Variants in CPEB3 observed in about 807,000 individuals in gnomAD.
CPEB3 encodes cytoplasmic polyadenylation element binding protein 3, also known as cytoplasmic polyadenylation element-binding protein 3.
A neutral mutation model predicts 67.2 loss-of-function variants in CPEB3; 20 were observed. The observed-to-expected ratio is 0.30, with a 90% CI of 0.21 to 0.43. CPEB3 has a LOEUF of 0.43. CPEB3 is among the 20% of genes least tolerant of loss of function. The probability of loss-of-function intolerance (pLI) is 1.00; values close to 1 mark genes in which losing one functional copy is unlikely to be tolerated. For synonymous variants in CPEB3, 376 were observed against 393.1 expected, an observed-to-expected ratio of 0.96 and a Z score of 0.51; for missense variants, 746 against 968.6, an observed-to-expected ratio of 0.77 and a Z score of 3.05.
intron 4 of CPEB3, among the ~76,000 whole-genome samples, chr10:92,171,659 G>A (rs1194646010): frequency 6.6e-6 from 1 of 152,174 alleles, no homozygotes; most frequent in African/African-American, 2.4e-5. Context: ...CTGTTGCCCA[G>A]GCTGGACTGC....
intron 1 of CPEB3, among the ~76,000 whole-genome samples, chr10:92,241,713 C>T (rs1460031113): frequency 6.6e-6 from 1 of 152,084 alleles, no homozygotes; most frequent in Non-Finnish European, 1.5e-5. Flanking sequence ...TCACTCAAAA[C>T]CCGGAGACTG....
chr10:92,273,749 CCT>C (rs2135011376), intron 1 of CPEB3, among the ~76,000 whole-genome samples: 1 of 152,192 alleles, frequency 6.6e-6, no homozygotes, highest in African/African-American at 2.4e-5. Flanking sequence ...TAAGGAAAGG[CCT>C]CTGTTTCCTC....
chr10:92,216,655 C>G (rs1178372889), intron 2 of CPEB3: 12 of 1,606,658 alleles, frequency 7.5e-6, no homozygotes, highest in Non-Finnish European at 1.0e-5. Flanking sequence ...ATGTCTATAT[C>G]CCCTCTAAGA....
At position 92,119,132 on chromosome 10, in the gene CPEB3, G is replaced by C. The variant is rs551356269; in HGVS notation, c.1454-7938C>G. 16 of 1,586,482 alleles carry C rather than the reference G, an allele frequency of 1.0e-5. No homozygotes were observed. In the African/African-American group the frequency reaches 2.0e-4, roughly 20 times the overall value. Reference sequence around the variant, plus strand: ...TGGAGTGGCTGTCCTGGTTCTTACTGTGTTGTCCTCTGTAGGGCCGGCAGC... The same window carrying C: ...TGGAGTGGCTGTCCTGGTTCTTACTCTGTTGTCCTCTGTAGGGCCGGCAGC... On this transcript the variant is annotated intron_variant, in intron 6 of 9. Coordinates refer to ENST00000265997, the MANE Select transcript of CPEB3 (RefSeq NM_014912.5).
In CPEB3 at chr10:92,223,959, G is replaced by A. The variant is rs7908233; in HGVS notation, c.1005+15387C>T. Among the ~76,000 whole-genome samples the A allele has an allele frequency of 5.0e-3, 763 of 152,152 alleles. 10 individuals are homozygous for A. The highest frequency in any genetic ancestry group is 0.044 in the East Asian group (226 of 5,162). Reference sequence around the variant, plus strand: ...AGACGGGGTTTCACCATGTTGGCTAGGTTGGTCTCTTTGGCCAGGTTGGTC... The same window carrying A: ...AGACGGGGTTTCACCATGTTGGCTAAGTTGGTCTCTTTGGCCAGGTTGGTC... On this transcript the variant is annotated intron_variant, in intron 2 of 9. Transcript: ENST00000265997.
chr10:92,080,621 C>G (rs766765976), intron 9 of CPEB3, among the ~76,000 whole-genome samples: 6 of 151,552 alleles, frequency 4.0e-5, no homozygotes, highest in Non-Finnish European at 5.9e-5. Context: ...TTAGACGGAG[C>G]CTCGCTCTGT....
intron 3 of CPEB3, among the ~76,000 whole-genome samples, chr10:92,185,360 T>C (rs904672073): frequency 1.2e-4 from 18 of 152,242 alleles, no homozygotes; most frequent in African/African-American, 3.6e-4. Flanking sequence ...ATCTGATAAA[T>C]AGGGGTGAGA....
Position 92,184,423 on chromosome 10 carries a change from T to C in CPEB3, c.1166-3404A>G, listed in dbSNP as rs968677296. ...ATAAAGACCATCCTGGCCAACGTGG[T>C]GAAACCCCATCTCTACTAAAAATAC... is the stretch of plus-strand genomic sequence containing the variant. On this transcript the variant is annotated intron_variant, in intron 3 of 9. Transcript: ENST00000265997. Among the ~76,000 whole-genome samples, 4 of 152,074 alleles carry C rather than the reference T, an allele frequency of 2.6e-5. No individual in the cohort carries two copies. In the East Asian group the frequency reaches 7.7e-4, roughly 29 times the overall value.
At position 92,050,499 on chromosome 10, in the gene CPEB3, A is replaced by G. The variant is rs1055762259; in HGVS notation, c.*1713T>C. On this transcript the variant is annotated 3_prime_UTR_variant, in exon 10 of 10. Coordinates refer to ENST00000265997, the MANE Select transcript of CPEB3 (RefSeq NM_014912.5). The stretch of plus-strand genomic sequence containing the variant: ...GGAAGAAGATTAAAAAAAGATTTAC[A>G]TAGTCTTGCAATCATTGTGTGTGTT... The G allele has an allele frequency of 1.3e-5, 2 of 152,768 alleles. No individual in the cohort carries two copies. Among genetic ancestry groups the G allele is most frequent in the East Asian group, 3.9e-4 (2 of 5,190 alleles). The allele number at this position is 152,768 out of a possible 1,614,324, so 9.5% of individuals were successfully genotyped here. A position where few individuals can be genotyped will look rare whatever the true frequency, so the allele number is the denominator to read the frequency against.
chr10:92,283,324 G>A (rs1293791704), intron 1 of CPEB3, among the ~76,000 whole-genome samples: 1 of 152,042 alleles, frequency 6.6e-6, no homozygotes. Context: ...ATTATTAAGA[G>A]CCCTTAACCA....
chr10:92,176,809 T>C (rs1043417214), intron 4 of CPEB3, among the ~76,000 whole-genome samples: 13 of 152,256 alleles, frequency 8.5e-5, no homozygotes, highest in Non-Finnish European at 2.9e-5. Context: ...GCATCAATCC[T>C]ACACAAGACC....
At chr10:92,090,872 T>A (rs1472049878) in intron 8 of CPEB3, among the ~76,000 whole-genome samples, 1 of 148,194 alleles carries the variant, frequency 6.7e-6, no homozygotes, top group Non-Finnish European at 1.5e-5. Flanking sequence ...CATTTGACAG[T>A]TTTCCATTCG....
At chr10:92,275,084 C>A (rs1436656240) in intron 1 of CPEB3, among the ~76,000 whole-genome samples, 2 of 152,192 alleles carry the variant, frequency 1.3e-5, no homozygotes, top group African/African-American at 4.8e-5. Context: ...TCATGCCTTA[C>A]CTTCAATCCT....
intron 4 of CPEB3, among the ~76,000 whole-genome samples, chr10:92,161,522 G>C (rs777994963): frequency 6.6e-6 from 1 of 150,932 alleles, no homozygotes; most frequent in African/African-American, 2.4e-5. Flanking sequence ...ATCCACCCAC[G>C]TTGGCCTCCC....
Position 92,240,342 on chromosome 10 carries a change from A to T in CPEB3, c.9T>A (p.Asp3Glu). 6.8e-7 allele frequency: 1 copy of T among 1,466,180 alleles called. No homozygotes were observed. The highest frequency in any genetic ancestry group is 9.0e-7 in the Non-Finnish European group (1 of 1,107,752). 90.8% of individuals were successfully genotyped at this position (1,466,180 alleles called of 1,614,324 possible). A position where few individuals can be genotyped will look rare whatever the true frequency, so the allele number is the denominator to read the frequency against. MQ[D>E]DLLMDKSKTQ... ...TTTTGCTTTTGTCCATCAGTAAATC[A>T]TCCTGCATGGTTTGCGCAGCTGAAA... Residue 3 changes from aspartate (D) to glutamate (E), a missense_variant, in exon 2 of 10, where the codon GAT becomes GAA. By Grantham distance (45) the Asp-to-Glu change is conservative. Coordinates refer to ENST00000265997, the MANE Select transcript of CPEB3 (RefSeq NM_014912.5).
chr10:92,092,808 T>C (rs1363905209), intron 7 of CPEB3, among the ~76,000 whole-genome samples: 1 of 152,046 alleles, frequency 6.6e-6, no homozygotes, highest in East Asian at 1.9e-4. Context: ...GAATTACCTC[T>C]TTTGGATTTA....
Position 92,052,179 on chromosome 10 carries a change from A to T in CPEB3, c.*33T>A. 1 of 1,472,154 alleles carries T rather than the reference A, an allele frequency of 6.8e-7. No individual in the cohort carries two copies. 91.2% of individuals were successfully genotyped at this position (1,472,154 alleles called of 1,614,324 possible). A position where few individuals can be genotyped will look rare whatever the true frequency, so the allele number is the denominator to read the frequency against. On this transcript the variant is annotated 3_prime_UTR_variant, in exon 10 of 10. Transcript: ENST00000265997. ...CCTCTCTTTTCCCTCCTTGTTATCT[A>T]CTCCAGTACTTGTGGCTGGGTCGGC...
intron 1 of CPEB3, among the ~76,000 whole-genome samples, chr10:92,274,340 A>G (rs563433392): frequency 1.3e-5 from 2 of 152,142 alleles, no homozygotes; most frequent in East Asian, 1.9e-4. Context: ...TGCCTCACAC[A>G]TGGCTGCTCT....
At chr10:92,238,783 T>A (rs547609953) in intron 2 of CPEB3, among the ~76,000 whole-genome samples, 2 of 152,352 alleles carry the variant, frequency 1.3e-5, no homozygotes, top group South Asian at 4.1e-4. Flanking sequence ...TTGTTATTAA[T>A]GATTCTAGCA....
Sources: gnomAD v4.1 joint callset for allele counts (sites outside exome capture counted in the v4.1 genomes callset) on GRCh38, gnomAD v4.1.1 for gene constraint, MANE v1.5 for transcripts, NCBI Gene and HGNC (gene_info 2026-07-23, HGNC 2026-07-21) for gene names.